Variants in LANCL3 observed in about 807,000 individuals in gnomAD.
The protein encoded by LANCL3 is lanC-like protein 3.
LANCL3 carries 19 observed loss-of-function variants against 26.5 expected under a neutral mutation model. That is an observed-to-expected ratio of 0.72 (90% CI 0.50 to 1.05). The LOEUF is 1.05. Ranked by LOEUF, LANCL3 falls within the 50% of genes least tolerant of loss-of-function variation. The pLI is 0.00. For synonymous variants in LANCL3, 160 were observed against 166.6 expected (o/e 0.96, Z 0.30); for missense variants, 318 against 362.7 (o/e 0.88, Z 1.00).
chrX:37,681,454 CT>C lies in LANCL3; in HGVS notation c.*5643del, dbSNP rs1926934246. The C allele has an allele frequency of 9.0e-6, 1 of 111,682 alleles. No individual in the cohort carries two copies. Among genetic ancestry groups the C allele is most frequent in the African/African-American group, 3.3e-5 (1 of 30,697 alleles). 9.2% of individuals were successfully genotyped at this position (111,682 alleles called of 1,213,427 possible). On this transcript the variant is annotated 3_prime_UTR_variant, in exon 5 of 5. Transcript: ENST00000378619. ...CCTAGTATTGATAAAGTCTTCCTAC[CT>C]TCCTTCGTTGTTATGGGAGAAAATG...
At chrX:37,623,150 C>T (rs1456737009) in intron 1 of LANCL3, among the ~76,000 whole-genome samples, 1 of 111,857 alleles carries the variant, frequency 8.9e-6, no homozygotes, top group African/African-American at 3.2e-5. Context: ...AAAGCCAGTG[C>T]ACTTATTTCC....
chrX:37,629,965 G>GT (rs1346708019), intron 1 of LANCL3, among the ~76,000 whole-genome samples: 1 of 109,185 alleles, frequency 9.2e-6, no homozygotes, highest in East Asian at 2.9e-4. Flanking sequence ...CTTTAAAGTA[G>GT]TTTTTTTCCA....
Position 37,655,695 on chromosome X carries a change from C to T in LANCL3, c.581C>T (p.Thr194Ile). ...LKQKLAQEVL[T>I]PAQIKSICQA... ...CTGGATTTCCTTATTCAGGTGCTGACTCCAGCACAGATCAAGTCAATTTGT... is the reference window on the plus strand; with the variant it reads ...CTGGATTTCCTTATTCAGGTGCTGATTCCAGCACAGATCAAGTCAATTTGT... Residue 194 changes from threonine to isoleucine, a missense_variant, in exon 2 of 5, where the codon ACT becomes ATT. Physicochemically the swap from Thr to Ile is moderately conservative, Grantham distance 89. Transcript: ENST00000378619. 1 of 1,205,704 alleles carries T rather than the reference C, an allele frequency of 8.3e-7. No individual in the cohort carries two copies. Among genetic ancestry groups the T allele is most frequent in the East Asian group, 3.0e-5 (1 of 33,669 alleles).
At chrX:37,626,731 A>G (rs1353866655) in intron 1 of LANCL3, among the ~76,000 whole-genome samples, 3 of 111,775 alleles carry the variant, frequency 2.7e-5, no homozygotes, top group African/African-American at 9.8e-5. Flanking sequence ...GCATTGCTAG[A>G]CTGCCTTTTC....
rs1382182765 is a variant in LANCL3, at chrX:37,630,697, T to G, written c.574-24991T>G. Among the ~76,000 whole-genome samples the G allele has an allele frequency of 3.6e-5, 4 of 110,798 alleles. No homozygotes were observed. In the Admixed American group the frequency reaches 3.8e-4, roughly 11 times the overall value. On this transcript the variant is annotated intron_variant, in intron 1 of 4. Transcript: ENST00000378619. ...TTTTGTCAAAGGCCTTTTCTGCATC[T>G]ATTGAGATAATCATGCGGTTTTTGT...
At chrX:37,661,316 C>T (rs1313280907) in intron 3 of LANCL3, among the ~76,000 whole-genome samples, 1 of 111,765 alleles carries the variant, frequency 8.9e-6, no homozygotes, top group Non-Finnish European at 1.9e-5. Context: ...ATACTAAATA[C>T]CATCTGTCTT....
chrX:37,636,420 A>C (rs572652122), intron 1 of LANCL3, among the ~76,000 whole-genome samples: 1 of 112,513 alleles, frequency 8.9e-6, no homozygotes, highest in African/African-American at 3.2e-5. Context: ...AGTAATTTAC[A>C]TTCCTACAAG....
At chrX:37,588,832 CA>C (rs1556418509) in intron 1 of LANCL3, among the ~76,000 whole-genome samples, 1 of 111,874 alleles carries the variant, frequency 8.9e-6, no homozygotes, top group Non-Finnish European at 1.9e-5. Flanking sequence ...TGAGAGGTGG[CA>C]AAACAAATAT....
rs782482673 is a variant in LANCL3 at position 37,675,679 on chromosome X, G to T, written c.1129G>T (p.Glu377Ter). 8.8e-7 allele frequency: 1 copy of T among 1,141,755 alleles called. No individual in the cohort carries two copies. Among genetic ancestry groups the T allele is most frequent in the Non-Finnish European group, 1.2e-6 (1 of 860,125 alleles). The allele number at this position is 1,141,755 out of a possible 1,213,427, so 94.1% of individuals were successfully genotyped here. The change falls in exon 5 of 5, where the codon GAA (glutamate) becomes TAA (stop). Residue 377 changes from glutamate (E) to a stop codon, truncating the protein, a stop_gained. Transcript: ENST00000378619. LOFTEE classifies it high-confidence loss of function. The stretch of plus-strand genomic sequence containing the variant: ...GTTTGCTCAATTCTTATTTACCGAG[G>T]AATTCAAGGCCGGTTCTCGGGTCCT... ...QRFAQFLFTE[E>*]FKAGSRVLES...
At chrX:37,589,764 A>G (rs1924219470) in intron 1 of LANCL3, among the ~76,000 whole-genome samples, 1 of 111,365 alleles carries the variant, frequency 9.0e-6, no homozygotes, top group African/African-American at 3.3e-5. Flanking sequence ...TGTTCAGCCA[A>G]TCTGTCTTAT....
At chrX:37,661,689 T>C (rs1337406710) in intron 3 of LANCL3, among the ~76,000 whole-genome samples, 1 of 111,900 alleles carries the variant, frequency 8.9e-6, no homozygotes, top group African/African-American at 3.2e-5. Flanking sequence ...AAACGAACTA[T>C]AAAATAATTT....
intron 3 of LANCL3, among the ~76,000 whole-genome samples, chrX:37,664,115 G>T (rs949288294): frequency 8.9e-6 from 1 of 111,965 alleles, no homozygotes; most frequent in African/African-American, 3.3e-5. Context: ...AACTTTCACA[G>T]GAACTGGGAA....
chrX:37,571,864 C>A lies in LANCL3; in HGVS notation c.-7C>A. On this transcript the variant is annotated 5_prime_UTR_variant, in exon 1 of 5. Transcript: ENST00000378619. ...TCAGCTCCGCACTAGGGGGCACGGGCAACAGCATGGACACCAAGCGCTGCT... is the reference window on the plus strand; with the variant it reads ...TCAGCTCCGCACTAGGGGGCACGGGAAACAGCATGGACACCAAGCGCTGCT... The A allele has an allele frequency of 3.3e-6, 4 of 1,195,970 alleles. No individual in the cohort carries two copies. Among genetic ancestry groups the A allele is most frequent in the Non-Finnish European group, 3.4e-6 (3 of 887,632 alleles).
chrX:37,609,700 A>C (rs1297281020), intron 1 of LANCL3, among the ~76,000 whole-genome samples: 2 of 110,663 alleles, frequency 1.8e-5, no homozygotes, highest in African/African-American at 6.6e-5. Context: ...ATAAAAAAAA[A>C]CCCCTATATG....
chrX:37,678,422 A>AT lies in LANCL3; in HGVS notation c.*2610dup, dbSNP rs1556438052. On this transcript the variant is annotated 3_prime_UTR_variant, in exon 5 of 5. Transcript: ENST00000378619. ...CAGGGGCATTTTCACCACCACTAGTATAACTTTAATATTATTTACTATATA... is the reference window on the plus strand; with the variant it reads ...CAGGGGCATTTTCACCACCACTAGTATTAACTTTAATATTATTTACTATATA... 1 of 111,073 alleles carries AT rather than the reference A, an allele frequency of 9.0e-6. No homozygotes were observed. Among genetic ancestry groups the AT allele is most frequent in the African/African-American group, 3.3e-5 (1 of 30,606 alleles). The allele number at this position is 111,073 out of a possible 1,213,427, so 9.2% of individuals were successfully genotyped here. A position where few individuals can be genotyped will look rare whatever the true frequency, so the allele number is the denominator to read the frequency against.
chrX:37,586,107 GA>G lies in LANCL3; in HGVS notation c.573+13666del, dbSNP rs1357914379. 3.6e-5 allele frequency among the ~76,000 whole-genome samples: 4 copies of G among 111,851 alleles called. No individual in the cohort carries two copies. In the Admixed American group the frequency reaches 3.8e-4, roughly 11 times the overall value. On this transcript the variant is annotated intron_variant, in intron 1 of 4. Coordinates refer to ENST00000378619, the MANE Select transcript of LANCL3 (RefSeq NM_001170331.2). ...CTCGGTTGAAAATTCTTTTCTTTAA[GA>G]ATGTTGAATATTGGCCCCCACTCTC...
At chrX:37,642,220 C>T in intron 1 of LANCL3, among the ~76,000 whole-genome samples, 1 of 112,123 alleles carries the variant, frequency 8.9e-6, no homozygotes, top group Non-Finnish European at 1.9e-5. Flanking sequence ...ATTTCTGTGG[C>T]AACAGAGGTG....
At chrX:37,651,340 AAATT>A (rs2146775912) in intron 1 of LANCL3, among the ~76,000 whole-genome samples, 1 of 112,159 alleles carries the variant, frequency 8.9e-6, no homozygotes, top group Admixed American at 9.4e-5. Context: ...ATTATTTAAA[AAATT>A]AATTATTTTA....
chrX:37,612,731 G>A (rs1305443264), intron 1 of LANCL3, among the ~76,000 whole-genome samples: 1 of 111,899 alleles, frequency 8.9e-6, no homozygotes, highest in Non-Finnish European at 1.9e-5. Context: ...AAGATACAAA[G>A]ATGAACAGGA....
Sources: gnomAD v4.1 joint callset for allele counts (sites outside exome capture counted in the v4.1 genomes callset) on GRCh38, gnomAD v4.1.1 for gene constraint, MANE v1.5 for transcripts, NCBI Gene and HGNC (gene_info 2026-07-23, HGNC 2026-07-21) for gene names.